The following NELL1 variants were observed in gnomAD, a reference collection of about 807,000 sequenced individuals.
NELL1 encodes the protein protein kinase C-binding protein NELL1.
In NELL1, 76 loss-of-function variants were observed where a neutral mutation model predicts 107.4. The observed-to-expected ratio is 0.71, with a 90% CI of 0.59 to 0.86. The LOEUF (loss-of-function observed/expected upper bound fraction) is 0.86. NELL1 is among the 40% of genes least tolerant of loss of function. The pLI is 0.00. For missense variants in NELL1, 1,024 were observed against 1,005.5 expected (o/e 1.02, Z -0.25); for synonymous variants, 353 against 341.2 (o/e 1.03, Z -0.38).
intron 5 of NELL1, among the ~76,000 whole-genome samples, chr11:20,917,317 AT>A (rs921090809): frequency 4.0e-5 from 6 of 151,864 alleles, no homozygotes; most frequent in Admixed American, 6.6e-5. Flanking sequence ...TCCAATTAAT[AT>A]TTTTTTCTTG....
At chr11:21,187,074 C>T (rs866638921) in intron 13 of NELL1, among the ~76,000 whole-genome samples, 13 of 151,752 alleles carry the variant, frequency 8.6e-5, no homozygotes, top group South Asian at 4.1e-4. Context: ...AAGGCTTTGG[C>T]GGAATATTTA....
intron 16 of NELL1, among the ~76,000 whole-genome samples, chr11:21,557,890 A>T (rs972828202): frequency 6.6e-6 from 1 of 152,044 alleles, no homozygotes; most frequent in Non-Finnish European, 1.5e-5. Context: ...GTATTCTGTT[A>T]TACTCAGCAC....
chr11:20,711,378 C>G (rs1054334216), intron 2 of NELL1, among the ~76,000 whole-genome samples: 6 of 152,188 alleles, frequency 3.9e-5, no homozygotes, highest in Admixed American at 3.3e-4. Context: ...CCATTCAATT[C>G]AATGTTAGTT....
intron 13 of NELL1, among the ~76,000 whole-genome samples, chr11:21,122,638 T>C (rs2133744454): frequency 6.6e-6 from 1 of 152,302 alleles, no homozygotes; most frequent in South Asian, 2.1e-4. Flanking sequence ...AGTGTATAAA[T>C]TCTACTGGTT....
intron 15 of NELL1, among the ~76,000 whole-genome samples, chr11:21,525,391 G>T (rs1304291632): frequency 6.6e-6 from 1 of 152,150 alleles, no homozygotes; most frequent in African/African-American, 2.4e-5. Flanking sequence ...TGCGGAGATT[G>T]TTCATACCTT....
intron 12 of NELL1, among the ~76,000 whole-genome samples, chr11:21,014,815 T>A (rs71488772): frequency 6.6e-6 from 1 of 152,138 alleles, no homozygotes; most frequent in East Asian, 1.9e-4. Context: ...TCAACATATA[T>A]GATGAAATTA....
chr11:21,374,977 A>G (rs533965227), intron 15 of NELL1, among the ~76,000 whole-genome samples: 1 of 152,028 alleles, frequency 6.6e-6, no homozygotes, highest in South Asian at 2.1e-4. Context: ...ACATCCAAAC[A>G]GAGAAGAAGG....
chr11:21,019,289 C>T (rs1852642902), intron 12 of NELL1, among the ~76,000 whole-genome samples: 1 of 152,028 alleles, frequency 6.6e-6, no homozygotes, highest in Non-Finnish European at 1.5e-5. Context: ...TGAGCTTTTA[C>T]ATAGGAACAT....
In NELL1 at chr11:21,349,650, A is replaced by G. The variant is rs547303280; in HGVS notation, c.1550-21203A>G. ...GAATCAGAGGAAGAGACTGATTTTG[A>G]TCACTTGAGTTTGGGAATGTATATG... On this transcript the variant is annotated intron_variant, in intron 14 of 19. Coordinates refer to ENST00000357134, the MANE Select transcript of NELL1 (RefSeq NM_006157.5). Among the ~76,000 whole-genome samples the G allele has an allele frequency of 7.2e-5, 11 of 152,014 alleles. No homozygotes were observed. The South Asian group carries it at 2.3e-3, about 32-fold the overall frequency.
chr11:21,147,836 CAAAAAAAAAAAAAAA>C (rs35688285), intron 13 of NELL1, among the ~76,000 whole-genome samples: 8 of 28,816 alleles, frequency 2.8e-4, no homozygotes, highest in Middle Eastern at 0.036. Context: ...AACTCCGTCT[CAAAAAAAAAAAAAAA>C]AAAAAAAAAA....
chr11:20,672,596 A>C (rs1356860814), intron 1 of NELL1, among the ~76,000 whole-genome samples: 3 of 152,228 alleles, frequency 2.0e-5, no homozygotes, highest in East Asian at 1.9e-4. Context: ...TTGAGAAATA[A>C]TTCAGAGATT....
chr11:21,312,136 G>A (rs750061751), intron 14 of NELL1, among the ~76,000 whole-genome samples: 14 of 152,126 alleles, frequency 9.2e-5, no homozygotes, highest in Non-Finnish European at 1.8e-4. Flanking sequence ...AAGTTACTCT[G>A]TGTATGGTAT....
At chr11:20,979,182 G>T (rs1489176358) in intron 12 of NELL1, among the ~76,000 whole-genome samples, 4 of 152,082 alleles carry the variant, frequency 2.6e-5, no homozygotes, top group Admixed American at 2.0e-4. Flanking sequence ...CCATTTATTT[G>T]CTTTATAAAT....
At chr11:21,137,569 A>G (rs1855771477) in intron 13 of NELL1, among the ~76,000 whole-genome samples, 1 of 152,208 alleles carries the variant, frequency 6.6e-6, no homozygotes. Context: ...CAGTCAAAGG[A>G]TTAGAAAGAA....
At chr11:21,280,122 CTACA>C (rs1848960095) in intron 14 of NELL1, among the ~76,000 whole-genome samples, 1 of 152,126 alleles carries the variant, frequency 6.6e-6, no homozygotes, top group African/African-American at 2.4e-5. Flanking sequence ...TGTAATGATA[CTACA>C]ATGGTGGATA....
At chr11:20,784,309 G>A (rs11821875) in intron 3 of NELL1, among the ~76,000 whole-genome samples, 43,867 of 152,078 alleles carry the variant, frequency 0.29, 7,167 homozygotes, top group African/African-American at 0.43. Flanking sequence ...AGGAAATAAA[G>A]GTAAGAGCAG....
At chr11:20,935,338 A>G (rs1427178580) in intron 9 of NELL1, among the ~76,000 whole-genome samples, 2 of 152,018 alleles carry the variant, frequency 1.3e-5, no homozygotes, top group African/African-American at 4.8e-5. Flanking sequence ...GCGGAAGCTC[A>G]TGGGTGTATA....
intron 14 of NELL1, among the ~76,000 whole-genome samples, chr11:21,248,053 A>T (rs943376946): frequency 1.3e-5 from 2 of 152,220 alleles, no homozygotes; most frequent in African/African-American, 4.8e-5. Context: ...TGGTACAAAA[A>T]AGAGCAGGAG....
At chr11:21,128,331 G>A (rs185648136) in intron 13 of NELL1, among the ~76,000 whole-genome samples, 3 of 152,174 alleles carry the variant, frequency 2.0e-5, no homozygotes, top group African/African-American at 7.2e-5. Flanking sequence ...AATTTGAAGA[G>A]TATTCCCTAG....
Sources: allele counts gnomAD v4.1 joint callset (sites outside exome capture counted in the v4.1 genomes callset), GRCh38; gene constraint gnomAD v4.1.1; transcripts MANE v1.5; gene names NCBI Gene and HGNC (gene_info 2026-07-23, HGNC 2026-07-21).